The following HSPA6 variants were observed in gnomAD, a reference collection of about 807,000 sequenced individuals.
HSPA6 encodes the protein heat shock protein family A (Hsp70) member 6, also known as heat shock 70 kDa protein 6.
For synonymous variants in HSPA6, 312 were observed against 368.2 expected, an observed-to-expected ratio of 0.85 and a Z score of 1.75; for missense variants, 718 against 860.9, an observed-to-expected ratio of 0.83 and a Z score of 2.08.
Position 161,526,180 on chromosome 1 carries a change from G to A in HSPA6, c.1522G>A (p.Asp508Asn). The A allele has an allele frequency of 1.2e-6, 2 of 1,613,896 alleles. No homozygotes were observed. Among genetic ancestry groups the A allele is most frequent in the Non-Finnish European group, 1.7e-6 (2 of 1,179,922 alleles). Residue 508 changes from aspartate to asparagine, a missense_variant, in exon 1 of 1, where the codon GAC becomes AAC. Coordinates refer to ENST00000309758, the MANE Select transcript of HSPA6 (RefSeq NM_002155.5). Reference sequence around the variant, plus strand: ...GGCTAACAAGATCACCATCACCAATGACAAGGGCCGGCTGAGCAAGGAGGA... The same window carrying A: ...GGCTAACAAGATCACCATCACCAATAACAAGGGCCGGCTGAGCAAGGAGGA... ...GKANKITITN[D>N]KGRLSKEEVE...
Position 161,526,258 on chromosome 1 carries a change from C to T in HSPA6, c.1600C>T (p.Gln534Ter). 6.2e-7 allele frequency: 1 copy of T among 1,613,518 alleles called. No homozygotes were observed. The highest frequency in any genetic ancestry group is 8.5e-7 in the Non-Finnish European group (1 of 1,179,702). The change falls in exon 1 of 1, where the codon CAG becomes TAG. Residue 534 changes from glutamine to a stop codon, truncating the protein, a stop_gained. Transcript: ENST00000309758. LOFTEE classifies it low-confidence loss of function (END_TRUNC). ...AEQYKAEDEAQRDRVAAKNSL... is the reference protein window; with the variant it reads ...AEQYKAEDEA The stretch of plus-strand genomic sequence containing the variant: ...GCAGTACAAGGCTGAGGATGAGGCC[C>T]AGAGGGACAGAGTGGCTGCCAAAAA...
In HSPA6 at chr1:161,525,106, G is replaced by C. The variant is rs10919224; in HGVS notation, c.448G>C (p.Ala150Pro). The change falls in exon 1 of 1, where the codon GCC becomes CCC. Residue 150 changes from alanine to proline, a missense_variant. Physicochemically the swap from Ala to Pro is conservative, Grantham distance 27 (BLOSUM62 -1). Coordinates refer to ENST00000309758, the MANE Select transcript of HSPA6 (RefSeq NM_002155.5). The stretch of plus-strand genomic sequence containing the variant: ...GAAGCACGCAGTGATCACCGTGCCC[G>C]CCTATTTCAATGACTCGCAGCGCCA... ...PVKHAVITVP[A>P]YFNDSQRQAT... The C allele has an allele frequency of 1.2e-6, 2 of 1,613,604 alleles. No homozygotes were observed. The highest frequency in any genetic ancestry group is 2.7e-5 in the African/African-American group (2 of 74,890).
chr1:161,526,376 A>C lies in HSPA6; in HGVS notation c.1718A>C (p.Gln573Pro), dbSNP rs1676701906. 1.9e-6 allele frequency: 3 copies of C among 1,601,516 alleles called. No individual in the cohort carries two copies. Among genetic ancestry groups the C allele is most frequent in the Admixed American group, 1.7e-5 (1 of 58,116 alleles). ...KIPEEDRRKM[Q>P]DKCREVLAWL... Reference sequence around the variant, plus strand: ...CCCGAAGAGGACAGGCGCAAAATGCAAGACAAGTGTCGGGAAGTCCTTGCC... The same window carrying C: ...CCCGAAGAGGACAGGCGCAAAATGCCAGACAAGTGTCGGGAAGTCCTTGCC... The change falls in exon 1 of 1, where the codon CAA becomes CCA. Residue 573 changes from glutamine (Q) to proline (P), a missense_variant. Physicochemically the swap from Gln to Pro is moderately conservative, Grantham distance 76. Coordinates refer to ENST00000309758, the MANE Select transcript of HSPA6 (RefSeq NM_002155.5).
Position 161,525,714 on chromosome 1 carries a change from G to T in HSPA6, c.1056G>T (p.Leu352=). Residue 352 remains leucine, a synonymous_variant, in exon 1 of 1, where the codon CTG becomes CTT. Coordinates refer to ENST00000309758, the MANE Select transcript of HSPA6 (RefSeq NM_002155.5). The stretch of plus-strand genomic sequence containing the variant: ...GCATCCCCAAGGTGCAGAAGTTGCT[G>T]CAGGACTTCTTCAACGGCAAGGAGC... ...STRIPKVQKL[L]QDFFNGKELN... is the part of the protein sequence containing the mutation. The T allele has an allele frequency of 1.2e-6, 2 of 1,613,020 alleles. No individual in the cohort carries two copies. Among genetic ancestry groups the T allele is most frequent in the Non-Finnish European group, 1.7e-6 (2 of 1,179,498 alleles).
rs1233288997 is a variant in HSPA6, at chr1:161,524,958, C to A, written c.300C>A (p.Gly100=). 2 of 1,613,578 alleles carry A rather than the reference C, an allele frequency of 1.2e-6. No homozygotes were observed. The highest frequency in any genetic ancestry group is 3.3e-5 in the Admixed American group (2 of 60,000). The change falls in exon 1 of 1, where the codon GGC becomes GGA. Residue 100 remains glycine, a synonymous_variant. Coordinates refer to ENST00000309758, the MANE Select transcript of HSPA6 (RefSeq NM_002155.5). ...KHWPFRVVSE[G]GKPKVRVCYR... ...GGCCCTTCCGGGTGGTGAGCGAGGG[C>A]GGCAAGCCCAAGGTGCGCGTATGCT...
In HSPA6 at chr1:161,526,364, G is replaced by A; in HGVS notation, c.1706G>A (p.Arg569Lys). ...SLRDKIPEED[R>K]RKMQDKCREV... ...AGGGACAAGATTCCCGAAGAGGACA[G>A]GCGCAAAATGCAAGACAAGTGTCGG... Residue 569 changes from arginine to lysine, a missense_variant, in exon 1 of 1, where the codon AGG becomes AAG. Transcript: ENST00000309758. The A allele has an allele frequency of 6.2e-7, 1 of 1,602,504 alleles. No homozygotes were observed.
chr1:161,526,273 G>T lies in HSPA6; in HGVS notation c.1615G>T (p.Ala539Ser). The change falls in exon 1 of 1, where the codon GCT becomes TCT. Residue 539 changes from alanine (A) to serine (S), a missense_variant. Transcript: ENST00000309758. Reference protein sequence around the residue: ...AEDEAQRDRVAAKNSLEAHVF... With the variant: ...AEDEAQRDRVSAKNSLEAHVF... ...GGATGAGGCCCAGAGGGACAGAGTG[G>T]CTGCCAAAAACTCGCTGGAGGCCCA... is the stretch of plus-strand genomic sequence containing the variant. 6.2e-7 allele frequency: 1 copy of T among 1,613,198 alleles called. No homozygotes were observed. Among genetic ancestry groups the T allele is most frequent in the African/African-American group, 1.3e-5 (1 of 74,984 alleles).
chr1:161,526,393 G>C lies in HSPA6; in HGVS notation c.1735G>C (p.Val579Leu). The change falls in exon 1 of 1, where the codon GTC becomes CTC. Residue 579 changes from valine to leucine, a missense_variant. Val to Leu is a conservative substitution (Grantham distance 32, BLOSUM62 1). Transcript: ENST00000309758. ...CAAAATGCAAGACAAGTGTCGGGAAGTCCTTGCCTGGCTGGAGCACAACCA... is the reference window on the plus strand; with the variant it reads ...CAAAATGCAAGACAAGTGTCGGGAACTCCTTGCCTGGCTGGAGCACAACCA... ...RRKMQDKCRE[V>L]LAWLEHNQLA... 6.3e-7 allele frequency: 1 copy of C among 1,595,708 alleles called. No homozygotes were observed. The highest frequency in any genetic ancestry group is 8.5e-7 in the Non-Finnish European group (1 of 1,170,046).
chr1:161,525,586 G>C lies in HSPA6; in HGVS notation c.928G>C (p.Asp310His), dbSNP rs529246286. The change falls in exon 1 of 1, where the codon GAC (aspartate) becomes CAC (histidine). Residue 310 changes from aspartate (D) to histidine (H), a missense_variant. By Grantham distance (81) the Asp-to-His change is moderately conservative (BLOSUM62 -1). Coordinates refer to ENST00000309758, the MANE Select transcript of HSPA6 (RefSeq NM_002155.5). Reference sequence around the variant, plus strand: ...TGCCCGCTTTGAGGAACTGTGCTCAGACCTCTTCCGCAGCACCCTGGAGCC... The same window carrying C: ...TGCCCGCTTTGAGGAACTGTGCTCACACCTCTTCCGCAGCACCCTGGAGCC... Reference protein sequence around the residue: ...TRARFEELCSDLFRSTLEPVE... With the variant: ...TRARFEELCSHLFRSTLEPVE... 6.8e-5 allele frequency: 109 copies of C among 1,613,362 alleles called. 2 individuals are homozygous for C. In the East Asian group the frequency reaches 2.4e-3, roughly 35 times the overall value.
rs1676653401 is a variant in HSPA6, at chr1:161,525,472, G to A, written c.814G>A (p.Ala272Thr). The stretch of plus-strand genomic sequence containing the variant: ...CAGGCTGCGCACAGCCTGTGAGCGC[G>A]CCAAGCGCACCCTGTCCTCCAGCAC... ...LRRLRTACER[A>T]KRTLSSSTQA... The change falls in exon 1 of 1, where the codon GCC becomes ACC. Residue 272 changes from alanine (A) to threonine (T), a missense_variant. Coordinates refer to ENST00000309758, the MANE Select transcript of HSPA6 (RefSeq NM_002155.5). 2 of 1,613,252 alleles carry A rather than the reference G, an allele frequency of 1.2e-6. No individual in the cohort carries two copies. Among genetic ancestry groups the A allele is most frequent in the Non-Finnish European group, 1.7e-6 (2 of 1,179,598 alleles).
In HSPA6 at chr1:161,526,741, G is replaced by A. The variant is rs41299264; in HGVS notation, c.*151G>A. The A allele has an allele frequency of 7.3e-3, 5,129 of 698,842 alleles. 71 individuals carry two copies. The highest frequency in any genetic ancestry group is 0.034 in the African/African-American group (1,864 of 55,138). 43.3% of individuals were successfully genotyped at this position (698,842 alleles called of 1,614,324 possible). A position where few individuals can be genotyped will look rare whatever the true frequency, so the allele number is the denominator to read the frequency against. On this transcript the variant is annotated 3_prime_UTR_variant, in exon 1 of 1. Transcript: ENST00000309758. ...TAACTGAAGTCTTTTGACTTTTTGC[G>A]GGGAGGGCGGTTCATCCTCTTCTGC...
rs388218 is a variant in HSPA6, at chr1:161,526,049, G to T, written c.1391G>T (p.Ser464Ile). Residue 464 changes from serine (S) to isoleucine (I), a missense_variant, in exon 1 of 1, where the codon AGT (serine) becomes ATT (isoleucine). Coordinates refer to ENST00000309758, the MANE Select transcript of HSPA6 (RefSeq NM_002155.5). ...DNNLLGRFEL[S>I]GIPPAPRGVP... ...AACCTGCTGGGGCGTTTTGAACTCAGTGGCATCCCTCCTGCCCCACGTGGA... is the reference window on the plus strand; with the variant it reads ...AACCTGCTGGGGCGTTTTGAACTCATTGGCATCCCTCCTGCCCCACGTGGA... 3.1e-5 allele frequency: 50 copies of T among 1,613,604 alleles called. No individual in the cohort carries two copies. The highest frequency in any genetic ancestry group is 1.8e-4 in the South Asian group (16 of 91,012).
At position 161,525,194 on chromosome 1, in the gene HSPA6, C is replaced by T. The variant is rs376584149; in HGVS notation, c.536C>T (p.Thr179Met). 5.6e-6 allele frequency: 9 copies of T among 1,614,008 alleles called. No homozygotes were observed. Among genetic ancestry groups the T allele is most frequent in the Admixed American group, 1.7e-5 (1 of 60,018 alleles). ...GTGTTGCGGATCATCAATGAGCCCA[C>T]GGCAGCTGCCATCGCCTATGGGCTG... ...LNVLRIINEP[T>M]AAAIAYGLDR... Residue 179 changes from threonine to methionine, a missense_variant, in exon 1 of 1, where the codon ACG (threonine) becomes ATG (methionine). Transcript: ENST00000309758.
rs1676648415 is a variant in HSPA6, at chr1:161,525,304, G to A, written c.646G>A (p.Ala216Thr). ...TFDVSVLSIDAGVFEVKATAG... is the reference protein window; with the variant it reads ...TFDVSVLSIDTGVFEVKATAG... ...CGATGTGTCGGTTCTCTCCATTGAC[G>A]CTGGTGTCTTTGAGGTGAAAGCCAC... Residue 216 changes from alanine to threonine, a missense_variant, in exon 1 of 1, where the codon GCT (alanine) becomes ACT (threonine). Physicochemically the swap from Ala to Thr is moderately conservative, Grantham distance 58 (BLOSUM62 0). Transcript: ENST00000309758. The A allele has an allele frequency of 2.5e-6, 4 of 1,613,938 alleles. No individual in the cohort carries two copies. The highest frequency in any genetic ancestry group is 3.4e-6 in the Non-Finnish European group (4 of 1,179,974).
At position 161,525,391 on chromosome 1, in the gene HSPA6, G is replaced by T. The variant is rs1676650863; in HGVS notation, c.733G>T (p.Glu245Ter). ...FDNRLVNHFMEEFRRKHGKDL... is the reference protein window; with the variant it reads ...FDNRLVNHFM ...CAACCGGCTCGTGAACCACTTCATGGAAGAATTCCGGCGGAAGCATGGGAA... is the reference window on the plus strand; with the variant it reads ...CAACCGGCTCGTGAACCACTTCATGTAAGAATTCCGGCGGAAGCATGGGAA... The change falls in exon 1 of 1, where the codon GAA (glutamate) becomes TAA (stop). Residue 245 changes from glutamate (E) to a stop codon, truncating the protein, a stop_gained. Transcript: ENST00000309758. LOFTEE classifies it low-confidence loss of function (END_TRUNC). 6.2e-6 allele frequency: 10 copies of T among 1,611,166 alleles called. No homozygotes were observed. The highest frequency in any genetic ancestry group is 8.5e-6 in the Non-Finnish European group (10 of 1,178,676).
rs765515375 is a variant in HSPA6 at position 161,525,124 on chromosome 1, C to A, written c.466C>A (p.Gln156Lys). The change falls in exon 1 of 1, where the codon CAG becomes AAG. Residue 156 changes from glutamine to lysine, a missense_variant. Physicochemically the swap from Gln to Lys is moderately conservative, Grantham distance 53. Coordinates refer to ENST00000309758, the MANE Select transcript of HSPA6 (RefSeq NM_002155.5). ...ITVPAYFNDS[Q>K]RQATKDAGAI... ...CGTGCCCGCCTATTTCAATGACTCGCAGCGCCAGGCCACCAAGGACGCGGG... is the reference window on the plus strand; with the variant it reads ...CGTGCCCGCCTATTTCAATGACTCGAAGCGCCAGGCCACCAAGGACGCGGG... 3.1e-6 allele frequency: 5 copies of A among 1,613,786 alleles called. No individual in the cohort carries two copies. The highest frequency in any genetic ancestry group is 1.6e-4 in the Middle Eastern group (1 of 6,062).
In HSPA6 at chr1:161,525,600, C is replaced by A. The variant is rs371491425; in HGVS notation, c.942C>A (p.Ser314Arg). The A allele has an allele frequency of 6.2e-7, 1 of 1,613,602 alleles. No homozygotes were observed. The highest frequency in any genetic ancestry group is 1.1e-5 in the South Asian group (1 of 90,970). Residue 314 changes from serine (S) to arginine (R), a missense_variant, in exon 1 of 1, where the codon AGC (serine) becomes AGA (arginine). By Grantham distance (110) the Ser-to-Arg change is moderately radical (BLOSUM62 -1). Transcript: ENST00000309758. The part of the protein sequence containing the change: ...FEELCSDLFR[S>R]TLEPVEKALR... ...AACTGTGCTCAGACCTCTTCCGCAG[C>A]ACCCTGGAGCCGGTGGAGAAGGCCC...
chr1:161,524,679 C>A lies in HSPA6; in HGVS notation c.21C>A (p.Leu7=). The A allele has an allele frequency of 7.2e-7, 1 of 1,397,538 alleles. No individual in the cohort carries two copies. The highest frequency in any genetic ancestry group is 9.8e-7 in the Non-Finnish European group (1 of 1,024,824). The allele number at this position is 1,397,538 out of a possible 1,614,324, so 86.6% of individuals were successfully genotyped here. ...CAGCCATGCAGGCCCCACGGGAGCT[C>A]GCGGTGGGCATCGACCTGGGCACCA... The part of the protein sequence containing the change: MQAPRE[L]AVGIDLGTTY... The change falls in exon 1 of 1, where the codon CTC becomes CTA. Residue 7 remains leucine, a synonymous_variant. Transcript: ENST00000309758.
rs142879773 is a variant in HSPA6 at position 161,525,127 on chromosome 1, C to A, written c.469C>A (p.Arg157Ser). Residue 157 changes from arginine to serine, a missense_variant, in exon 1 of 1, where the codon CGC becomes AGC. Physicochemically the swap from Arg to Ser is moderately radical, Grantham distance 110. Transcript: ENST00000309758. ...TVPAYFNDSQ[R>S]QATKDAGAIA... ...GCCCGCCTATTTCAATGACTCGCAG[C>A]GCCAGGCCACCAAGGACGCGGGGGC... 149 of 1,613,628 alleles carry A rather than the reference C, an allele frequency of 9.2e-5. 1 individual carries two copies. The highest frequency in any genetic ancestry group is 8.2e-4 in the Middle Eastern group (5 of 6,084).
Sources: gnomAD v4.1 joint callset for allele counts on GRCh38, gnomAD v4.1.1 for gene constraint, MANE v1.5 for transcripts, NCBI Gene and HGNC (gene_info 2026-07-23, HGNC 2026-07-21) for gene names.